ABCC5: variants seen among roughly 807,000 people sequenced by gnomAD.
ABCC5 encodes the protein ATP-binding cassette sub-family C member 5.
In ABCC5, 61 loss-of-function variants were observed where a neutral mutation model predicts 160.9. The observed-to-expected ratio is 0.38, with a 90% CI of 0.31 to 0.47. The LOEUF (loss-of-function observed/expected upper bound fraction) is 0.47, where lower values mean the gene tolerates loss of function less well. Ranked by LOEUF, ABCC5 falls within the 20% of genes least tolerant of loss-of-function variation. The pLI is 0.99. For synonymous variants in ABCC5, 666 were observed against 700.6 expected, an observed-to-expected ratio of 0.95 and a Z score of 0.78; for missense variants, 1,308 against 1,813.3, an observed-to-expected ratio of 0.72 and a Z score of 5.06.
rs1717352676 is a variant in ABCC5, at chr3:183,967,683, C to T, written c.1833+12G>A. On this transcript the variant is annotated intron_variant, in intron 12 of 29. Transcript: ENST00000334444. ...AGAAAGCAGCAGAAAAGGACAATAA[C>T]AAAAATCTTACCTGGCCTAAAATGG... is the stretch of plus-strand genomic sequence containing the variant. 5 of 1,610,416 alleles carry T rather than the reference C, an allele frequency of 3.1e-6. No individual in the cohort carries two copies.
At chr3:183,969,397 G>A (rs181737405) in intron 11 of ABCC5, among the ~76,000 whole-genome samples, 10 of 152,248 alleles carry the variant, frequency 6.6e-5, no homozygotes, top group Admixed American at 4.6e-4. Context: ...CCTGTTAGGC[G>A]TTAACTGAAG....
intron 11 of ABCC5, among the ~76,000 whole-genome samples, chr3:183,969,169 T>C (rs975943693): frequency 6.6e-6 from 1 of 152,186 alleles, no homozygotes; most frequent in Admixed American, 6.5e-5. Flanking sequence ...CCTCCCCTTC[T>C]CTTCCCTAAA....
intron 2 of ABCC5, among the ~76,000 whole-genome samples, chr3:183,996,769 C>A (rs374709830): frequency 9.2e-5 from 14 of 152,184 alleles, no homozygotes; most frequent in Non-Finnish European, 7.4e-5. Flanking sequence ...AGTAGAAATT[C>A]TCACAGTAAG....
intron 12 of ABCC5, among the ~76,000 whole-genome samples, chr3:183,966,343 T>A (rs537603653): frequency 6.6e-6 from 1 of 152,318 alleles, no homozygotes; most frequent in East Asian, 1.9e-4. Context: ...GGGGGTCTAC[T>A]GTGGAAAGCC....
intron 2 of ABCC5, among the ~76,000 whole-genome samples, chr3:183,999,544 A>G (rs1720572574): frequency 2.0e-5 from 3 of 152,128 alleles, no homozygotes; most frequent in Admixed American, 2.0e-4. Context: ...CTGGGAGGCC[A>G]AAGTGGGAGG....
At chr3:183,930,224 C>T (rs1560468623) in intron 26 of ABCC5, among the ~76,000 whole-genome samples, 2 of 152,228 alleles carry the variant, frequency 1.3e-5, no homozygotes, top group Non-Finnish European at 2.9e-5. Context: ...AATACAATCA[C>T]GTCATTATCA....
At chr3:183,945,292 C>T (rs1038465112) in intron 24 of ABCC5, among the ~76,000 whole-genome samples, 2 of 152,188 alleles carry the variant, frequency 1.3e-5, no homozygotes, top group African/African-American at 2.4e-5. Flanking sequence ...CACGGCAAGA[C>T]GGAAGGGGTT....
In ABCC5 at chr3:183,985,239, CTT is replaced by C. The variant is rs1325620001; in HGVS notation, c.592-2234_592-2233del. 3 of 1,376,068 alleles carry C rather than the reference CTT, an allele frequency of 2.2e-6. No individual in the cohort carries two copies. The African/African-American group carries it at 4.3e-5, about 20-fold the overall frequency. The allele number at this position is 1,376,068 out of a possible 1,614,324, so 85.2% of individuals were successfully genotyped here. ...TAAATCTAAACAAACTGGAAGAAAACTTGAGACTGTTAGCATAGCTGTCTGGC... is the reference window on the plus strand; with the variant it reads ...TAAATCTAAACAAACTGGAAGAAAACGAGACTGTTAGCATAGCTGTCTGGC... On this transcript the variant is annotated intron_variant, in intron 5 of 29. Coordinates refer to ENST00000334444, the MANE Select transcript of ABCC5 (RefSeq NM_005688.4).
chr3:183,955,031 G>A (rs1715736281), intron 17 of ABCC5, among the ~76,000 whole-genome samples: 1 of 152,054 alleles, frequency 6.6e-6, no homozygotes, highest in African/African-American at 2.4e-5. Context: ...TTGAGTGGTG[G>A]GGGAGTGGTG....
In ABCC5 at chr3:183,937,976, T is replaced by C. The variant is rs763338382; in HGVS notation, c.3779A>G (p.Asp1260Gly). The change falls in exon 26 of 30, where the codon GAT becomes GGT. Residue 1260 changes from aspartate (D) to glycine (G), a missense_variant. This residue lies in a region of ABCC5 where 163 missense variants were observed against 269.7 expected (regional missense o/e 0.60). Coordinates refer to ENST00000334444, the MANE Select transcript of ABCC5 (RefSeq NM_005688.4). ...CIKIDGVRIS[D>G]IGLADLRSKL... is the part of the protein sequence containing the mutation. ...GCTTCGGAGGTCGGCAAGGCCAATATCACTGATTCTCACTCCATCAATCTT... is the reference window on the plus strand; with the variant it reads ...GCTTCGGAGGTCGGCAAGGCCAATACCACTGATTCTCACTCCATCAATCTT... 1 of 1,614,120 alleles carries C rather than the reference T, an allele frequency of 6.2e-7. No homozygotes were observed. Among genetic ancestry groups the C allele is most frequent in the Non-Finnish European group, 8.5e-7 (1 of 1,180,016 alleles).
At chr3:183,990,071 G>C (rs1719610078) in intron 2 of ABCC5, among the ~76,000 whole-genome samples, 1 of 151,354 alleles carries the variant, frequency 6.6e-6, no homozygotes, top group Non-Finnish European at 1.5e-5. Flanking sequence ...CCAAAGTGCT[G>C]GGATTACAGG....
rs146572786 is a variant in ABCC5, at chr3:184,014,296, G to A, written c.97C>T (p.Arg33Cys). Residue 33 changes from arginine (R) to cysteine (C), a missense_variant, in exon 2 of 30, where the codon CGT becomes TGT. Physicochemically the swap from Arg to Cys is radical, Grantham distance 180 (BLOSUM62 -3). This residue lies in a region of ABCC5 where 1,142 missense variants were observed against 1,527.1 expected (regional missense o/e 0.75). Transcript: ENST00000334444. ...GTTCTCCTGAACTTGGAATCTTCAC[G>A]GTCTCTGTGCGTCCCAGAAGTGCTG... ...RTSTSGTHRDREDSKFRRTRP... is the reference protein window; with the variant it reads ...RTSTSGTHRDCEDSKFRRTRP... 29 of 1,613,864 alleles carry A rather than the reference G, an allele frequency of 1.8e-5. No individual in the cohort carries two copies. In the African/African-American group the frequency reaches 2.5e-4, roughly 14 times the overall value.
chr3:183,987,443 A>T lies in ABCC5; in HGVS notation c.591+327T>A. On this transcript the variant is annotated intron_variant, in intron 5 of 29. Coordinates refer to ENST00000334444, the MANE Select transcript of ABCC5 (RefSeq NM_005688.4). This position sits in a 1 kb window ranked among gnomAD's most constrained non-coding sequence, Gnocchi z 4.2. ...CCACACAACGTGCTCTCACCCACTCATAGCACTGCAAGACACATCTGCCTG... is the reference window on the plus strand; with the variant it reads ...CCACACAACGTGCTCTCACCCACTCTTAGCACTGCAAGACACATCTGCCTG... 1.7e-6 allele frequency: 1 copy of T among 580,600 alleles called. No homozygotes were observed. The highest frequency in any genetic ancestry group is 2.8e-5 in the East Asian group (1 of 35,562). The allele number at this position is 580,600 out of a possible 1,614,324, so 36.0% of individuals were successfully genotyped here. A position where few individuals can be genotyped will look rare whatever the true frequency, so the allele number is the denominator to read the frequency against.
At chr3:183,995,578 C>T (rs533008389) in intron 2 of ABCC5, among the ~76,000 whole-genome samples, 20 of 152,212 alleles carry the variant, frequency 1.3e-4, no homozygotes, top group African/African-American at 4.6e-4. Context: ...GCACTTATGT[C>T]GAAAAGTTGG....
At chr3:183,925,487 G>T in intron 29 of ABCC5, 68 bp downstream of exon 29, 1 of 1,553,788 alleles carries the variant, frequency 6.4e-7, no homozygotes, top group Non-Finnish European at 8.8e-7. Context: ...ATGGCAATCA[G>T]TCCATCCCTG....
chr3:183,979,432 T>C (rs747557563), intron 8 of ABCC5, among the ~76,000 whole-genome samples: 1 of 151,698 alleles, frequency 6.6e-6, no homozygotes, highest in Non-Finnish European at 1.5e-5. Flanking sequence ...GAAGCTTCCA[T>C]ATAAAAATGC....
At chr3:183,976,566 TC>T (rs1271945254) in intron 10 of ABCC5, among the ~76,000 whole-genome samples, 1 of 152,180 alleles carries the variant, frequency 6.6e-6, no homozygotes, top group Non-Finnish European at 1.5e-5. Context: ...GGACTAGCTT[TC>T]TTGACCAAAT....
Position 183,963,464 on chromosome 3 carries a change from A to C in ABCC5, c.2156T>G (p.Val719Gly). The change falls in exon 15 of 30, where the codon GTG (valine) becomes GGG (glycine). Residue 719 changes from valine to glycine, a missense_variant. Val to Gly is a moderately radical substitution (Grantham distance 109, BLOSUM62 -3). Transcript: ENST00000334444. The surrounding 1 kb of genome is among the most constrained non-coding windows in gnomAD (Gnocchi z 4.6). ...AGCACTATTGAAGATGTGGTTGCCC[A>C]CATGGGCATCTAAGGCACTGAGGGG... is the stretch of plus-strand genomic sequence containing the variant. Reference protein sequence around the residue: ...DDPLSALDAHVGNHIFNSAIR... With the variant: ...DDPLSALDAHGGNHIFNSAIR... The C allele has an allele frequency of 6.2e-7, 1 of 1,614,258 alleles. No homozygotes were observed. The highest frequency in any genetic ancestry group is 8.5e-7 in the Non-Finnish European group (1 of 1,180,048).
chr3:183,994,892 T>G (rs1462658871), intron 2 of ABCC5, among the ~76,000 whole-genome samples: 1 of 151,618 alleles, frequency 6.6e-6, no homozygotes, highest in Non-Finnish European at 1.5e-5. Context: ...GGTCTTGCTC[T>G]GTTGCCCAGG....
Sources: allele counts gnomAD v4.1 joint callset (sites outside exome capture counted in the v4.1 genomes callset), GRCh38; gene constraint gnomAD v4.1.1; regional missense constraint gnomAD v4.1.1; non-coding constraint Gnocchi (gnomAD v3.1); transcripts MANE v1.5; gene names NCBI Gene and HGNC (gene_info 2026-07-23, HGNC 2026-07-21).